Variants in RUVBL1 observed in about 807,000 individuals in gnomAD.
RUVBL1 encodes the protein ruvB-like 1.
In RUVBL1, 4 loss-of-function variants were observed where a neutral mutation model predicts 52.4. That is an observed-to-expected ratio of 0.08 (90% CI 0.04 to 0.17). RUVBL1 has a LOEUF of 0.17. Among genes scored for constraint, RUVBL1 ranks in the 10% least tolerant of loss-of-function variants. The pLI is 1.00. For synonymous variants in RUVBL1, 217 were observed against 214.4 expected (o/e 1.01, Z -0.10); for missense variants, 298 against 572.8 (o/e 0.52, Z 4.90).
upstream of RUVBL1, among the ~76,000 whole-genome samples, chr3:128,127,935 T>C (rs1239003189): frequency 1.3e-5 from 2 of 152,140 alleles, no homozygotes; most frequent in Non-Finnish European, 2.9e-5. Flanking sequence ...AGGCAGAGGT[T>C]GCAGTGAGCC....
upstream of RUVBL1, among the ~76,000 whole-genome samples, chr3:128,128,007 AATAC>A (rs57824701): frequency 0.38 from 56,134 of 148,808 alleles, 11,146 homozygotes; most frequent in Non-Finnish European, 0.45. Flanking sequence ...AAAAATAATA[AATAC>A]ATACATACAT....
chr3:128,114,408 A>G (rs1191611289), intron 2 of RUVBL1, among the ~76,000 whole-genome samples: 2 of 152,238 alleles, frequency 1.3e-5, no homozygotes, highest in Non-Finnish European at 2.9e-5. Context: ...TGCACTAGCC[A>G]GGAACAGAAA....
intron 2 of RUVBL1, among the ~76,000 whole-genome samples, chr3:128,118,555 G>A (rs1249091547): frequency 6.6e-6 from 1 of 152,126 alleles, no homozygotes; most frequent in Non-Finnish European, 1.5e-5. Context: ...CGGCCCTTTT[G>A]AAGAATAAGC....
chr3:128,104,760 T>G lies in RUVBL1; in HGVS notation c.513+13A>C, dbSNP rs1576460920. ...GAGAGTCAAGGGAAAAGAGGCCACA[T>G]ACATGTACTCACTTTCAACTGTTTG... is the stretch of plus-strand genomic sequence containing the variant. On this transcript the variant is annotated intron_variant, in intron 4 of 10. Transcript: ENST00000322623. 1 of 1,596,950 alleles carries G rather than the reference T, an allele frequency of 6.3e-7. No homozygotes were observed. Among genetic ancestry groups the G allele is most frequent in the Non-Finnish European group, 8.6e-7 (1 of 1,165,880 alleles).
rs142162397 is a variant in RUVBL1, at chr3:128,081,132, C to T, written c.*118G>A. The T allele has an allele frequency of 1.1e-4, 108 of 948,538 alleles. No individual in the cohort carries two copies. Among genetic ancestry groups the T allele is most frequent in the African/African-American group, 9.5e-4 (58 of 61,188 alleles). 58.8% of individuals were successfully genotyped at this position (948,538 alleles called of 1,614,324 possible). On this transcript the variant is annotated 3_prime_UTR_variant, in exon 11 of 11. Coordinates refer to ENST00000322623, the MANE Select transcript of RUVBL1 (RefSeq NM_003707.3). The surrounding 1 kb of genome is among the most constrained non-coding windows in gnomAD (Gnocchi z 4.8). ...AATGCTTTCCACACTGAACTGACAGCGCTGCAGACCACGCCTGAGTGGGGA... is the reference window on the plus strand; with the variant it reads ...AATGCTTTCCACACTGAACTGACAGTGCTGCAGACCACGCCTGAGTGGGGA...
At chr3:128,147,190 C>T (rs966285324) in intron 1 of RUVBL1, among the ~76,000 whole-genome samples, 1 of 152,128 alleles carries the variant, frequency 6.6e-6, no homozygotes, top group Non-Finnish European at 1.5e-5. Flanking sequence ...GCACCTCAGC[C>T]TCTTGAGTAG....
Position 128,067,763 on chromosome 3 carries a change from C to T in RUVBL1, c.940-2543G>A. 1.5e-6 allele frequency: 1 copy of T among 684,628 alleles called. No homozygotes were observed. The highest frequency in any genetic ancestry group is 1.8e-5 in the African/African-American group (1 of 55,754). The allele number at this position is 684,628 out of a possible 1,614,324, so 42.4% of individuals were successfully genotyped here. A position where few individuals can be genotyped will look rare whatever the true frequency, so the allele number is the denominator to read the frequency against. ...GCAGTTCAGAAGCTTTAAGGGCTGA[C>T]AGATGGAGTCCAGCAGTAGATCAGC... On this transcript the variant is annotated intron_variant, in intron 9 of 9. Coordinates refer to the RUVBL1 transcript ENST00000464873. The surrounding 1 kb of genome is among the most constrained non-coding windows in gnomAD (Gnocchi z 4.1).
At chr3:128,142,468 T>G (rs1266242341) in intron 1 of RUVBL1, among the ~76,000 whole-genome samples, 2 of 152,156 alleles carry the variant, frequency 1.3e-5, no homozygotes, top group Non-Finnish European at 2.9e-5. Context: ...CGAACATAGA[T>G]TTGACACTCC....
upstream of RUVBL1, among the ~76,000 whole-genome samples, chr3:128,125,785 A>G (rs766408243): frequency 3.0e-4 from 46 of 152,368 alleles, no homozygotes; most frequent in Middle Eastern, 3.4e-3. Flanking sequence ...AAAGTTGCTT[A>G]GCCCCTCATT....
rs116031242 is a variant in RUVBL1, at chr3:128,116,075, C to A, written c.229-3055G>T. 9.5e-3 allele frequency among the ~76,000 whole-genome samples: 1,449 copies of A among 151,950 alleles called. 24 individuals are homozygous for A. Among genetic ancestry groups the A allele is most frequent in the African/African-American group, 0.033 (1,348 of 41,452 alleles). The stretch of plus-strand genomic sequence containing the variant: ...CCAAGAGGTAGAGACTGCAGTGAGC[C>A]GAGATCACTGCACTCCAGCCTGGGT... On this transcript the variant is annotated intron_variant, in intron 2 of 10. Coordinates refer to ENST00000322623, the MANE Select transcript of RUVBL1 (RefSeq NM_003707.3).
At chr3:128,068,152 G>A (rs1942040971) in intron 9 of RUVBL1, 2 of 887,466 alleles carry the variant, frequency 2.3e-6, no homozygotes, top group South Asian at 2.7e-5. Flanking sequence ...AGCACTTACT[G>A]GGTCACTAAA....
chr3:128,111,700 G>C (rs1399028649), intron 3 of RUVBL1, among the ~76,000 whole-genome samples: 1 of 152,104 alleles, frequency 6.6e-6, no homozygotes, highest in Admixed American at 6.6e-5. Flanking sequence ...TTCTCCTTTT[G>C]TTCAATGTAA....
At chr3:128,095,625 G>C (rs1021099213) in intron 8 of RUVBL1, among the ~76,000 whole-genome samples, 4 of 152,222 alleles carry the variant, frequency 2.6e-5, no homozygotes, top group African/African-American at 9.6e-5. Context: ...ATTCCTAATT[G>C]CAAGTGAAAG....
rs1942018113 is a variant in RUVBL1 at position 128,067,539 on chromosome 3, TA to T, written c.940-2320del. ...GACCCGGTCCATGCAGTTGTATACA[TA>T]GTGTTCATGCTGGGCTCCTGTGCAT... On this transcript the variant is annotated intron_variant, in intron 9 of 9. Transcript: ENST00000464873. This position sits in a 1 kb window ranked among gnomAD's most constrained non-coding sequence, Gnocchi z 4.1. 1.2e-6 allele frequency: 2 copies of T among 1,614,112 alleles called. No homozygotes were observed. Among genetic ancestry groups the T allele is most frequent in the Non-Finnish European group, 1.7e-6 (2 of 1,179,984 alleles).
At chr3:128,105,676 A>G (rs186437441) in intron 3 of RUVBL1, among the ~76,000 whole-genome samples, 1 of 152,232 alleles carries the variant, frequency 6.6e-6, no homozygotes, top group African/African-American at 2.4e-5. Context: ...ACCCTCTGAC[A>G]CTATGAAACC....
exon 10 of RUVBL1, chr3:128,064,865 C>G: frequency 6.3e-7 from 1 of 1,584,764 alleles, no homozygotes; most frequent in Non-Finnish European, 8.6e-7. Flanking sequence ...ATGTCTCCTC[C>G]TCTGCCAACA....
At chr3:128,068,223 T>G (rs1176403021) in intron 9 of RUVBL1, among the ~76,000 whole-genome samples, 1 of 152,252 alleles carries the variant, frequency 6.6e-6, no homozygotes, top group Non-Finnish European at 1.5e-5. Context: ...TGCTAAGTGC[T>G]GGACACTGGA....
exon 1 of RUVBL1, chr3:128,153,446 G>A (rs952792644): frequency 7.0e-7 from 1 of 1,432,092 alleles, no homozygotes. Flanking sequence ...GGGCCGGACC[G>A]CGGCGACTAC....
intron 1 of RUVBL1, among the ~76,000 whole-genome samples, chr3:128,153,044 G>T (rs1158063255): frequency 1.6e-5 from 2 of 121,356 alleles, no homozygotes; most frequent in African/African-American, 6.6e-5. Context: ...TCCTATCAGA[G>T]CGCCCTTTTT....
Sources: gnomAD v4.1 joint callset for allele counts (sites outside exome capture counted in the v4.1 genomes callset) on GRCh38, gnomAD v4.1.1 for gene constraint, Gnocchi (gnomAD v3.1) non-coding constraint, MANE v1.5 for transcripts, NCBI Gene and HGNC (gene_info 2026-07-23, HGNC 2026-07-21) for gene names.